NBEA: variants seen among roughly 807,000 people sequenced by gnomAD.
NBEA encodes lysosomal-trafficking regulator 2.
NBEA carries 44 observed loss-of-function variants against 343.4 expected under a neutral mutation model. The observed-to-expected ratio is 0.13, with a 90% CI of 0.10 to 0.16. The LOEUF is 0.16. NBEA is among the 10% of genes least tolerant of loss of function. The probability of loss-of-function intolerance (pLI) is 1.00; values close to 1 mark genes in which losing one functional copy is unlikely to be tolerated. For synonymous variants in NBEA, 1,175 were observed against 1,238.7 expected (o/e 0.95, Z 1.08); for missense variants, 2,555 against 3,631.3 (o/e 0.70, Z 7.62).
At chr13:34,972,342 A>G (rs2060024670) in intron 1 of NBEA, among the ~76,000 whole-genome samples, 1 of 151,640 alleles carries the variant, frequency 6.6e-6, no homozygotes, top group Admixed American at 6.6e-5. Context: ...TTCAGCTCTG[A>G]TTTTGGTATT....
Position 35,109,293 on chromosome 13 carries a change from T to C in NBEA, c.1684T>C (p.Ser562Pro). 1 of 1,589,848 alleles carries C rather than the reference T, an allele frequency of 6.3e-7. No individual in the cohort carries two copies. The highest frequency in any genetic ancestry group is 8.5e-7 in the Non-Finnish European group (1 of 1,170,796). Residue 562 changes from serine to proline, a missense_variant, in exon 12 of 59, where the codon TCA becomes CCA. Around this residue, in one of 21 missense-constraint regions of NBEA, gnomAD observed 360 missense variants for 519.1 expected, o/e 0.69. Transcript: ENST00000379939. ...LVIGYLLEKS[S>P]RVHITRAVLE... is the part of the protein sequence containing the mutation. Reference sequence around the variant, plus strand: ...GAATTTCTGTTTTCTTTCTTAGTCATCAAGAGTTCATATAACTAGAGCTGT... The same window carrying C: ...GAATTTCTGTTTTCTTTCTTAGTCACCAAGAGTTCATATAACTAGAGCTGT...
intron 47 of NBEA, among the ~76,000 whole-genome samples, chr13:35,605,466 A>G (rs1213756547): frequency 6.6e-6 from 1 of 152,192 alleles, no homozygotes; most frequent in Non-Finnish European, 1.5e-5. Flanking sequence ...AAAAGACTAC[A>G]GTGAGATTTA....
Position 35,028,058 on chromosome 13 carries a change from T to A in NBEA, c.295-12875T>A, listed in dbSNP as rs193014522. Among the ~76,000 whole-genome samples, 350 of 152,092 alleles carry A rather than the reference T, an allele frequency of 2.3e-3. 1 individual carries two copies. Among genetic ancestry groups the A allele is most frequent in the Non-Finnish European group, 3.2e-3 (216 of 67,840 alleles). ...TATGTGTCTATCAACTCACCAGTGC[T>A]ACAGGGTCTTGAATTATTATAGCAA... On this transcript the variant is annotated intron_variant, in intron 1 of 58. Transcript: ENST00000379939.
Position 35,236,621 on chromosome 13 carries a change from T to A in NBEA, c.5776+4002T>A, listed in dbSNP as rs750586144. On this transcript the variant is annotated intron_variant, in intron 34 of 58. Transcript: ENST00000379939. ...GCCACCACGCCCAGATATATATTTT[T>A]TTTTTTTTGTATTTTTAGTAGAGAT... Among the ~76,000 whole-genome samples, 96 of 151,492 alleles carry A rather than the reference T, an allele frequency of 6.3e-4. 2 individuals are homozygous for A. Among genetic ancestry groups the A allele is most frequent in the South Asian group, 6.3e-4 (3 of 4,780 alleles).
In NBEA at chr13:35,398,537, A is replaced by G. The variant is rs114370778; in HGVS notation, c.6180-33732A>G. 4.4e-3 allele frequency among the ~76,000 whole-genome samples: 673 copies of G among 152,286 alleles called. 2 individuals carry two copies. Among genetic ancestry groups the G allele is most frequent in the African/African-American group, 0.016 (647 of 41,560 alleles). On this transcript the variant is annotated intron_variant, in intron 38 of 58. Transcript: ENST00000379939. ...GCTACAGAATGGCTGTTGTGTTTGCAGGCATGAAAACAATATTCATCTCCT... is the reference window on the plus strand; with the variant it reads ...GCTACAGAATGGCTGTTGTGTTTGCGGGCATGAAAACAATATTCATCTCCT...
At chr13:35,383,322 G>T (rs1229833685) in intron 38 of NBEA, among the ~76,000 whole-genome samples, 1 of 152,108 alleles carries the variant, frequency 6.6e-6, no homozygotes, top group East Asian at 1.9e-4. Context: ...AATAATATCA[G>T]CCAGGACCAA....
intron 38 of NBEA, among the ~76,000 whole-genome samples, chr13:35,428,380 A>G (rs2152928612): frequency 6.6e-6 from 1 of 152,312 alleles, no homozygotes; most frequent in East Asian, 1.9e-4. Flanking sequence ...TGTGCTCCAC[A>G]GATCCCTAAG....
At chr13:35,134,499 C>T (rs1017855213) in intron 17 of NBEA, among the ~76,000 whole-genome samples, 4 of 151,762 alleles carry the variant, frequency 2.6e-5, no homozygotes, top group Non-Finnish European at 5.9e-5. Flanking sequence ...AATATCTTAC[C>T]TACTTAGAAA....
At chr13:35,460,562 A>G (rs1346734471) in intron 40 of NBEA, among the ~76,000 whole-genome samples, 2 of 149,274 alleles carry the variant, frequency 1.3e-5, no homozygotes, top group Non-Finnish European at 2.9e-5. Context: ...ATTATTTTCA[A>G]AAAGTCTACA....
chr13:35,303,162 A>G (rs2036666324), intron 35 of NBEA, among the ~76,000 whole-genome samples: 1 of 152,156 alleles, frequency 6.6e-6, no homozygotes, highest in Admixed American at 6.5e-5. Context: ...CATTTTCATA[A>G]TTAGTAATAC....
chr13:35,575,375 C>T (rs2080687298), intron 45 of NBEA, among the ~76,000 whole-genome samples: 1 of 152,106 alleles, frequency 6.6e-6, no homozygotes, highest in Non-Finnish European at 1.5e-5. Context: ...ATTTTCAAGT[C>T]ATTTAAAGCA....
At position 35,566,028 on chromosome 13, in the gene NBEA, G is replaced by A. The variant is rs140172837; in HGVS notation, c.6923-877G>A. Among the ~76,000 whole-genome samples the A allele has an allele frequency of 1.1e-3, 167 of 152,192 alleles. 1 individual carries two copies. The highest frequency in any genetic ancestry group is 6.8e-3 in the Middle Eastern group (2 of 294). On this transcript the variant is annotated intron_variant, in intron 44 of 58. Coordinates refer to ENST00000379939, the MANE Select transcript of NBEA (RefSeq NM_001385012.1). ...ATATAAGTTTAACATAGTATTCTGT[G>A]TACTCATAATATAATTTCTAGATAT...
chr13:34,965,058 A>G (rs1015468064), intron 1 of NBEA, among the ~76,000 whole-genome samples: 1 of 152,040 alleles, frequency 6.6e-6, no homozygotes, highest in Non-Finnish European at 1.5e-5. Flanking sequence ...ATTATATGGT[A>G]TATGTCAGCA....
At chr13:35,640,051 G>C (rs9544873) in intron 49 of NBEA, among the ~76,000 whole-genome samples, 72,558 of 151,656 alleles carry the variant, frequency 0.48, 17,965 homozygotes, top group African/African-American at 0.59. Context: ...CAAGATTAAC[G>C]AAAGTTTTTG....
At chr13:35,090,809 A>G (rs2065043246) in intron 10 of NBEA, among the ~76,000 whole-genome samples, 1 of 151,928 alleles carries the variant, frequency 6.6e-6, no homozygotes, top group Non-Finnish European at 1.5e-5. Context: ...AACACCCTAC[A>G]TGGACAGAAT....
At chr13:35,138,798 C>T (rs1049513645) in intron 17 of NBEA, among the ~76,000 whole-genome samples, 2 of 151,944 alleles carry the variant, frequency 1.3e-5, no homozygotes, top group East Asian at 1.9e-4. Context: ...TATTTTATGA[C>T]ACTGAAAAAT....
intron 1 of NBEA, among the ~76,000 whole-genome samples, chr13:34,967,842 G>C (rs1048451899): frequency 1.3e-5 from 2 of 151,966 alleles, no homozygotes; most frequent in Non-Finnish European, 2.9e-5. Flanking sequence ...ATACTACATA[G>C]AGTTAGTGCA....
rs543586246 is a variant in NBEA at position 35,392,488 on chromosome 13, T to TTG, written c.6180-39780_6180-39779insGT. On this transcript the variant is annotated intron_variant, in intron 38 of 58. Coordinates refer to ENST00000379939, the MANE Select transcript of NBEA (RefSeq NM_001385012.1). ...GTGTGTGGTTTTGTTTTTTTTGTTT[T>TTG]TTTTTTTTGCCTTTATCCCACTTAG... Among the ~76,000 whole-genome samples the TTG allele has an allele frequency of 2.6e-3, 391 of 151,862 alleles. 3 individuals carry two copies. The highest frequency in any genetic ancestry group is 9.1e-3 in the African/African-American group (377 of 41,466).
At chr13:35,232,159 A>T (rs2075010268) in intron 33 of NBEA, among the ~76,000 whole-genome samples, 1 of 152,120 alleles carries the variant, frequency 6.6e-6, no homozygotes, top group East Asian at 1.9e-4. Flanking sequence ...AGTGTTCCAG[A>T]TCATTTTCTT....
Sources: allele counts gnomAD v4.1 joint callset (sites outside exome capture counted in the v4.1 genomes callset), GRCh38; gene constraint gnomAD v4.1.1; regional missense constraint gnomAD v4.1.1; transcripts MANE v1.5; gene names NCBI Gene and HGNC (gene_info 2026-07-23, HGNC 2026-07-21).